The following TMEM163 variants were observed in gnomAD, a reference collection of about 807,000 sequenced individuals.
TMEM163 encodes the protein transmembrane protein 163.
A neutral mutation model predicts 29.3 loss-of-function variants in TMEM163; 17 were observed. The ratio of observed to expected loss-of-function variants is 0.58; its 90% CI spans 0.40 to 0.87. TMEM163 has a LOEUF of 0.87. Ranked by LOEUF, TMEM163 falls within the 40% of genes least tolerant of loss-of-function variation. The pLI is 0.00. For synonymous variants in TMEM163, 157 were observed against 160.6 expected (o/e 0.98, Z 0.17); for missense variants, 303 against 381.5 (o/e 0.79, Z 1.71).
At chr2:134,547,838 T>A (rs1258805603) in intron 4 of TMEM163, among the ~76,000 whole-genome samples, 1 of 152,210 alleles carries the variant, frequency 6.6e-6, no homozygotes, top group Non-Finnish European at 1.5e-5. Flanking sequence ...AGTAACCTGT[T>A]TGGGGGATTA....
intron 4 of TMEM163, among the ~76,000 whole-genome samples, chr2:134,507,336 C>CTAAATAAATAAATAAA (rs111595849): frequency 6.7e-6 from 1 of 148,946 alleles, no homozygotes; most frequent in East Asian, 2.0e-4. Context: ...AACTCTACCT[C>CTAAATAAATAAATAAA]TAAATAAATA....
intron 3 of TMEM163, 82 bp from the exon 4 acceptor site, chr2:134,550,743 A>T: frequency 7.6e-7 from 1 of 1,310,690 alleles, no homozygotes; most frequent in Non-Finnish European, 1.1e-6. Context: ...CTGTGCTGTG[A>T]CTCAGAACAT....
At chr2:134,642,647 CA>C (rs1683247069) in intron 2 of TMEM163, among the ~76,000 whole-genome samples, 1 of 152,022 alleles carries the variant, frequency 6.6e-6, no homozygotes, top group Non-Finnish European at 1.5e-5. Flanking sequence ...GCCTGGTTTA[CA>C]AAACATGAAG....
chr2:134,490,074 T>C (rs1037906202), intron 5 of TMEM163, among the ~76,000 whole-genome samples: 3 of 152,244 alleles, frequency 2.0e-5, no homozygotes, highest in Admixed American at 2.0e-4. Flanking sequence ...ACAGCGAGTC[T>C]AGTCCTCCAA....
At chr2:134,619,583 G>A (rs559966849) in intron 2 of TMEM163, among the ~76,000 whole-genome samples, 28 of 152,238 alleles carry the variant, frequency 1.8e-4, no homozygotes, top group South Asian at 1.0e-3. Context: ...ACTTTGTAAA[G>A]AGCATCTATG....
At chr2:134,630,987 C>T (rs1682954604) in intron 2 of TMEM163, among the ~76,000 whole-genome samples, 1 of 149,628 alleles carries the variant, frequency 6.7e-6, no homozygotes, top group Non-Finnish European at 1.5e-5. Context: ...GACAGCCTCA[C>T]TCAGCTAAGT....
chr2:134,684,703 A>G (rs984544098), intron 2 of TMEM163, among the ~76,000 whole-genome samples: 3 of 152,056 alleles, frequency 2.0e-5, no homozygotes, highest in African/African-American at 7.2e-5. Flanking sequence ...AGGCAGGTGG[A>G]TCATGAGGTC....
At chr2:134,592,869 GAGAT>G (rs55925415) in intron 2 of TMEM163, among the ~76,000 whole-genome samples, 28 of 148,202 alleles carry the variant, frequency 1.9e-4, no homozygotes, top group African/African-American at 5.3e-4. Flanking sequence ...TATTAATATA[GAGAT>G]AGATAGATAG....
At chr2:134,514,683 A>G (rs1220557278) in intron 4 of TMEM163, among the ~76,000 whole-genome samples, 1 of 152,164 alleles carries the variant, frequency 6.6e-6, no homozygotes, top group Non-Finnish European at 1.5e-5. Flanking sequence ...GCTCACATCA[A>G]TTGCTCTCAA....
intron 2 of TMEM163, among the ~76,000 whole-genome samples, chr2:134,603,212 T>C (rs567427472): frequency 6.6e-6 from 1 of 152,298 alleles, no homozygotes; most frequent in Non-Finnish European, 1.5e-5. Flanking sequence ...CTCAAGGACC[T>C]GGGCAGACTA....
chr2:134,548,288 A>AT (rs200213621), intron 4 of TMEM163, among the ~76,000 whole-genome samples: 20 of 152,220 alleles, frequency 1.3e-4, no homozygotes, highest in Admixed American at 1.3e-4. Flanking sequence ...TGTAATGAAC[A>AT]TTTTTTTAAC....
At chr2:134,484,055 T>A (rs1012966913) in intron 5 of TMEM163, among the ~76,000 whole-genome samples, 2 of 151,986 alleles carry the variant, frequency 1.3e-5, no homozygotes, top group Admixed American at 6.5e-5. Flanking sequence ...GGCAGGAGAA[T>A]CCCTTGAACC....
rs1458684933 is a variant in TMEM163, at chr2:134,591,228, C to T, written c.323-39137G>A. Among the ~76,000 whole-genome samples the T allele has an allele frequency of 3.9e-5, 6 of 152,200 alleles. No homozygotes were observed. The East Asian group carries it at 9.6e-4, about 24-fold the overall frequency. ...GAGCTTTCTTCTTTCACTTATTAAA[C>T]TTTCATTCCAACCTCACCCTTTGTG... On this transcript the variant is annotated intron_variant, in intron 2 of 7. Coordinates refer to ENST00000281924, the MANE Select transcript of TMEM163 (RefSeq NM_030923.5).
intron 2 of TMEM163, among the ~76,000 whole-genome samples, chr2:134,562,980 A>C (rs1467905528): frequency 6.6e-6 from 1 of 152,232 alleles, no homozygotes; most frequent in Non-Finnish European, 1.5e-5. Context: ...GGCAGAGCTT[A>C]GACTTTTCCA....
At chr2:134,550,456 C>A (rs947791030) in intron 4 of TMEM163, 114 bp downstream of exon 4, 1 of 959,412 alleles carries the variant, frequency 1.0e-6, no homozygotes. Context: ...AACCTGGGGA[C>A]CTTCTTCTCA....
intron 5 of TMEM163, among the ~76,000 whole-genome samples, chr2:134,480,101 C>G (rs1305920407): frequency 6.6e-6 from 1 of 152,230 alleles, no homozygotes; most frequent in Admixed American, 6.5e-5. Context: ...ACCTGGTGTA[C>G]ATTATAAGAC....
intron 2 of TMEM163, among the ~76,000 whole-genome samples, chr2:134,564,850 C>T (rs1235326931): frequency 2.6e-5 from 4 of 152,176 alleles, no homozygotes; most frequent in East Asian, 1.9e-4. Context: ...CAGTTTCAAA[C>T]GTTAGTAAGG....
intron 2 of TMEM163, among the ~76,000 whole-genome samples, chr2:134,692,181 T>C (rs1340620689): frequency 2.0e-5 from 3 of 151,820 alleles, no homozygotes; most frequent in South Asian, 2.1e-4. Flanking sequence ...ACAAAGAAAG[T>C]ATTCTTCCCT....
Position 134,496,593 on chromosome 2 carries a change from T to C in TMEM163, c.555+6308A>G, listed in dbSNP as rs138605710. Among the ~76,000 whole-genome samples, 451 of 152,210 alleles carry C rather than the reference T, an allele frequency of 3.0e-3. 3 individuals carry two copies. The highest frequency in any genetic ancestry group is 0.01 in the African/African-American group (434 of 41,524). ...ATGGGGACTGGAGACCAAATGACGCTAATGACTGCAGGGAAATGAACAACT... is the reference window on the plus strand; with the variant it reads ...ATGGGGACTGGAGACCAAATGACGCCAATGACTGCAGGGAAATGAACAACT... On this transcript the variant is annotated intron_variant, in intron 5 of 7. Coordinates refer to ENST00000281924, the MANE Select transcript of TMEM163 (RefSeq NM_030923.5).
Sources: gnomAD v4.1 joint callset for allele counts (sites outside exome capture counted in the v4.1 genomes callset) on GRCh38, gnomAD v4.1.1 for gene constraint, MANE v1.5 for transcripts, NCBI Gene and HGNC (gene_info 2026-07-23, HGNC 2026-07-21) for gene names.